The following MAP2K5 variants were observed in gnomAD, a reference collection of about 807,000 sequenced individuals.
MAP2K5 encodes the protein mitogen-activated protein kinase kinase 5, also known as dual specificity mitogen-activated protein kinase kinase 5.
MAP2K5 carries 49 observed loss-of-function variants against 83.1 expected under a neutral mutation model. The ratio of observed to expected loss-of-function variants is 0.59; its 90% confidence interval spans 0.47 to 0.75. The LOEUF (loss-of-function observed/expected upper bound fraction) is 0.75. MAP2K5 is among the 30% of genes least tolerant of loss of function. The pLI, the probability that MAP2K5 is intolerant of heterozygous loss-of-function variation, is 0.00. For synonymous variants in MAP2K5, 202 were observed against 191.8 expected (o/e 1.05, Z -0.44); for missense variants, 457 against 557.5 (o/e 0.82, Z 1.82).
chr15:67,699,747 A>G (rs1208075218), intron 15 of MAP2K5, among the ~76,000 whole-genome samples: 1 of 152,222 alleles, frequency 6.6e-6, no homozygotes, highest in East Asian at 1.9e-4. Context: ...AATCAGATGC[A>G]TACAGACTTA....
intron 21 of MAP2K5, among the ~76,000 whole-genome samples, chr15:67,795,658 T>C (rs544805134): frequency 6.6e-6 from 1 of 152,336 alleles, no homozygotes; most frequent in African/African-American, 2.4e-5. Flanking sequence ...CCCCCCAGTG[T>C]TCTCTCTTTG....
intron 21 of MAP2K5, among the ~76,000 whole-genome samples, chr15:67,798,164 C>T (rs2090637813): frequency 6.6e-6 from 1 of 152,186 alleles, no homozygotes; most frequent in Non-Finnish European, 1.5e-5. Flanking sequence ...GCTGCAGACT[C>T]CACCTTTCAG....
intron 5 of MAP2K5, 110 bp downstream of exon 5, chr15:67,586,040 C>A: frequency 1.0e-6 from 1 of 1,004,558 alleles, no homozygotes; most frequent in Non-Finnish European, 1.6e-6. Flanking sequence ...GACAAGCGAT[C>A]CTTTTATTTT....
rs57116318 is a variant in MAP2K5 at position 67,686,603 on chromosome 15, A to AAATAATAATAAT, written c.848-5846_848-5835dup. Reference sequence around the variant, plus strand: ...GGGCAACAGAGTGAGACTGTGTCTCAAATAATAATAATAATAATAATAATA... The same window carrying AAATAATAATAAT: ...GGGCAACAGAGTGAGACTGTGTCTCAAATAATAATAATAATAATAATAATAATAATAATAATA... On this transcript the variant is annotated intron_variant, in intron 13 of 21. Transcript: ENST00000178640. Among the ~76,000 whole-genome samples, 333 of 148,528 alleles carry AAATAATAATAAT rather than the reference A, an allele frequency of 2.2e-3. 2 individuals carry two copies. Among genetic ancestry groups the AAATAATAATAAT allele is most frequent in the African/African-American group, 8.0e-3 (320 of 40,098 alleles).
intron 21 of MAP2K5, among the ~76,000 whole-genome samples, chr15:67,803,592 T>G (rs2090744084): frequency 6.6e-6 from 1 of 152,222 alleles, no homozygotes; most frequent in Non-Finnish European, 1.5e-5. Flanking sequence ...AACCCCTGTC[T>G]TCCCTCCCTG....
In MAP2K5 at chr15:67,769,768, CAGG is replaced by C; in HGVS notation, c.1196+109_1196+111del. On this transcript the variant is annotated intron_variant, in intron 20 of 21. Coordinates refer to ENST00000178640, the MANE Select transcript of MAP2K5 (RefSeq NM_145160.3). The surrounding 1 kb of genome is among the most constrained non-coding windows in gnomAD (Gnocchi z 5.2). ...GGCTCTCCCTGCATCCTTTTGGAGACAGGAGGGACTTCGGGGCCTTGGGCAGAT... is the reference window on the plus strand; with the variant it reads ...GGCTCTCCCTGCATCCTTTTGGAGACAGGGACTTCGGGGCCTTGGGCAGAT... The C allele has an allele frequency of 1.8e-6, 2 of 1,139,616 alleles. No homozygotes were observed. Among genetic ancestry groups the C allele is most frequent in the Non-Finnish European group, 2.6e-6 (2 of 770,880 alleles). The allele number at this position is 1,139,616 out of a possible 1,614,324, so 70.6% of individuals were successfully genotyped here. A position where few individuals can be genotyped will look rare whatever the true frequency, so the allele number is the denominator to read the frequency against.
chr15:67,709,074 A>G (rs1241512757), intron 16 of MAP2K5, among the ~76,000 whole-genome samples: 2 of 152,202 alleles, frequency 1.3e-5, no homozygotes. Flanking sequence ...CTTGATGGGA[A>G]GAATTTGGCC....
At chr15:67,623,948 C>T (rs2086248767) in intron 8 of MAP2K5, among the ~76,000 whole-genome samples, 1 of 151,846 alleles carries the variant, frequency 6.6e-6, no homozygotes. Flanking sequence ...ATTGGATCCT[C>T]ACAACTCTAT....
chr15:67,593,638 G>A (rs961546614), intron 7 of MAP2K5, among the ~76,000 whole-genome samples: 3 of 152,218 alleles, frequency 2.0e-5, no homozygotes, highest in Admixed American at 1.3e-4. Context: ...ACATAAATGC[G>A]TTTTAATGTT....
chr15:67,755,783 T>G lies in MAP2K5; in HGVS notation c.1134+7182T>G, dbSNP rs1468563517. Reference sequence around the variant, plus strand: ...AACTTGCAGAAGACATAGACTTTTATAAGTGGGATTTTGTAATGATGAGCT... The same window carrying G: ...AACTTGCAGAAGACATAGACTTTTAGAAGTGGGATTTTGTAATGATGAGCT... On this transcript the variant is annotated intron_variant, in intron 19 of 21. Transcript: ENST00000178640. This position sits in a 1 kb window ranked among gnomAD's most constrained non-coding sequence, Gnocchi z 4.7. Among the ~76,000 whole-genome samples, 1 of 152,242 alleles carries G rather than the reference T, an allele frequency of 6.6e-6. No homozygotes were observed. Among genetic ancestry groups the G allele is most frequent in the Non-Finnish European group, 1.5e-5 (1 of 68,046 alleles).
At position 67,757,415 on chromosome 15, in the gene MAP2K5, T is replaced by C. The variant is rs1371413755; in HGVS notation, c.1134+8814T>C. 6.6e-6 allele frequency among the ~76,000 whole-genome samples: 1 copy of C among 152,178 alleles called. No individual in the cohort carries two copies. The highest frequency in any genetic ancestry group is 2.4e-5 in the African/African-American group (1 of 41,442). ...TCAAAAACCCAACCTATAAAATAGA[T>C]GAACATGAAGCTATTTTGGTTTGGT... On this transcript the variant is annotated intron_variant, in intron 19 of 21. Coordinates refer to ENST00000178640, the MANE Select transcript of MAP2K5 (RefSeq NM_145160.3). This position sits in a 1 kb window ranked among gnomAD's most constrained non-coding sequence, Gnocchi z 4.9.
intron 16 of MAP2K5, among the ~76,000 whole-genome samples, chr15:67,715,574 C>G (rs1254319144): frequency 6.6e-6 from 1 of 152,088 alleles, no homozygotes; most frequent in Non-Finnish European, 1.5e-5. Context: ...GGATTTCAGA[C>G]TGATTTTAAA....
At position 67,664,545 on chromosome 15, in the gene MAP2K5, CT is replaced by C. The variant is rs1250349674; in HGVS notation, c.799-48del. On this transcript the variant is annotated intron_variant, in intron 12 of 21. Transcript: ENST00000178640. Reference sequence around the variant, plus strand: ...GAATGTATTTAAATATGGAAAGTTCCTTTTAAAAACCATAATTGATAATTGT... The same window carrying C: ...GAATGTATTTAAATATGGAAAGTTCCTTTAAAAACCATAATTGATAATTGT... The C allele has an allele frequency of 1.2e-5, 15 of 1,213,320 alleles. 1 individual carries two copies. The highest frequency in any genetic ancestry group is 2.3e-4 in the Middle Eastern group (1 of 4,360). The allele number at this position is 1,213,320 out of a possible 1,614,324, so 75.2% of individuals were successfully genotyped here. A position where few individuals can be genotyped will look rare whatever the true frequency, so the allele number is the denominator to read the frequency against.
intron 8 of MAP2K5, among the ~76,000 whole-genome samples, chr15:67,630,439 A>T (rs140065938): frequency 4.6e-5 from 7 of 152,238 alleles, no homozygotes; most frequent in African/African-American, 1.4e-4. Context: ...ATGTGTAATT[A>T]AAAAAATAAG....
intron 5 of MAP2K5, 144 bp from the exon 6 acceptor site, chr15:67,586,702 C>T: frequency 1.3e-6 from 1 of 742,424 alleles, no homozygotes; most frequent in Non-Finnish European, 2.4e-6. Flanking sequence ...AACCTATATA[C>T]TGAATAGACT....
intron 9 of MAP2K5, chr15:67,642,339 G>A (rs188171346): frequency 1.8e-6 from 2 of 1,100,496 alleles, no homozygotes; most frequent in Non-Finnish European, 2.6e-6. Flanking sequence ...TGCTGGGGGG[G>A]ATAGAAAAAT....
chr15:67,702,889 A>G lies in MAP2K5; in HGVS notation c.973-448A>G, dbSNP rs982185577. Among the ~76,000 whole-genome samples, 2 of 152,164 alleles carry G rather than the reference A, an allele frequency of 1.3e-5. No individual in the cohort carries two copies. The highest frequency in any genetic ancestry group is 2.9e-5 in the Non-Finnish European group (2 of 68,038). On this transcript the variant is annotated intron_variant, in intron 15 of 21. Coordinates refer to ENST00000178640, the MANE Select transcript of MAP2K5 (RefSeq NM_145160.3). This position sits in a 1 kb window ranked among gnomAD's most constrained non-coding sequence, Gnocchi z 4.6. The stretch of plus-strand genomic sequence containing the variant: ...ATTTTCAAATAAAAAATTAAAAGAA[A>G]CCCTCCTGTTCCAGACCAATCTATC...
In MAP2K5 at chr15:67,785,611, C is replaced by T. The variant is rs1325726074; in HGVS notation, c.1242+12859C>T. On this transcript the variant is annotated intron_variant, in intron 21 of 21. Coordinates refer to ENST00000178640, the MANE Select transcript of MAP2K5 (RefSeq NM_145160.3). This position sits in a 1 kb window ranked among gnomAD's most constrained non-coding sequence, Gnocchi z 4.4. Reference sequence around the variant, plus strand: ...GAAACAGCAAGGAGAAGACAACCCACAGATGTCCACACCAACACAGGTGCT... The same window carrying T: ...GAAACAGCAAGGAGAAGACAACCCATAGATGTCCACACCAACACAGGTGCT... Among the ~76,000 whole-genome samples the T allele has an allele frequency of 6.6e-6, 1 of 152,154 alleles. No homozygotes were observed. The highest frequency in any genetic ancestry group is 1.5e-5 in the Non-Finnish European group (1 of 68,036).
At chr15:67,579,837 C>T (rs1185345382) in intron 3 of MAP2K5, among the ~76,000 whole-genome samples, 2 of 152,058 alleles carry the variant, frequency 1.3e-5, no homozygotes, top group Admixed American at 6.5e-5. Flanking sequence ...CTAAACATAT[C>T]GTATTTAAAT....
Sources: allele counts gnomAD v4.1 joint callset (sites outside exome capture counted in the v4.1 genomes callset), GRCh38; gene constraint gnomAD v4.1.1; non-coding constraint Gnocchi (gnomAD v3.1); transcripts MANE v1.5; gene names NCBI Gene and HGNC (gene_info 2026-07-23, HGNC 2026-07-21).